CERS6: variants seen among roughly 807,000 people sequenced by gnomAD.
CERS6 encodes the protein ceramide synthase 6, also known as LAG1 homolog, ceramide synthase 6.
CERS6 carries 26 observed loss-of-function variants against 56.8 expected under a neutral mutation model. That is an observed-to-expected ratio of 0.46 (90% confidence interval 0.34 to 0.63). The LOEUF (loss-of-function observed/expected upper bound fraction) is 0.63, where lower values mean the gene tolerates loss of function less well. CERS6 is among the 30% of genes least tolerant of loss of function. The pLI, the probability that CERS6 is intolerant of heterozygous loss-of-function variation, is 0.01. For synonymous variants in CERS6, 164 were observed against 173.3 expected (o/e 0.95, Z 0.42); for missense variants, 415 against 467.5 (o/e 0.89, Z 1.04).
chr2:168,765,974 T>C (rs891424575), intron 9 of CERS6, among the ~76,000 whole-genome samples: 5 of 152,192 alleles, frequency 3.3e-5, no homozygotes, highest in African/African-American at 1.2e-4. Flanking sequence ...GACTTAATAA[T>C]ATATTATTTG....
At chr2:168,504,487 C>T (rs751273546) in intron 1 of CERS6, among the ~76,000 whole-genome samples, 8 of 152,104 alleles carry the variant, frequency 5.3e-5, no homozygotes, top group Non-Finnish European at 8.8e-5. Context: ...CAATCTGTAT[C>T]CCTGGAGAAG....
At chr2:168,658,212 G>C (rs1685539640) in intron 4 of CERS6, among the ~76,000 whole-genome samples, 1 of 152,138 alleles carries the variant, frequency 6.6e-6, no homozygotes, top group Admixed American at 6.5e-5. Context: ...CCTAGTCCTA[G>C]TTTATACTCA....
At chr2:168,460,492 T>G (rs1449143844) in intron 1 of CERS6, among the ~76,000 whole-genome samples, 2 of 152,168 alleles carry the variant, frequency 1.3e-5, no homozygotes. Flanking sequence ...CCCCTGCACC[T>G]GGTCAAGAGA....
At chr2:168,587,431 A>G (rs967128122) in intron 3 of CERS6, among the ~76,000 whole-genome samples, 9 of 152,158 alleles carry the variant, frequency 5.9e-5, no homozygotes, top group South Asian at 2.1e-4. Flanking sequence ...TGTTGGTTAC[A>G]CCAATTCAGG....
intron 1 of CERS6, among the ~76,000 whole-genome samples, chr2:168,527,844 C>A (rs1011067166): frequency 1.3e-5 from 2 of 152,136 alleles, no homozygotes; most frequent in Non-Finnish European, 2.9e-5. Flanking sequence ...CCTCAACCTC[C>A]CAAGTAGCTG....
At chr2:168,700,935 C>CT (rs1364269226) in intron 6 of CERS6, among the ~76,000 whole-genome samples, 6 of 152,212 alleles carry the variant, frequency 3.9e-5, no homozygotes, top group Non-Finnish European at 8.8e-5. Flanking sequence ...GATTGTGCTT[C>CT]TCAGCCAACC....
Position 168,464,410 on chromosome 2 carries a change from C to T in CERS6, c.170+7792C>T, listed in dbSNP as rs187972640. On this transcript the variant is annotated intron_variant, in intron 1 of 9. Coordinates refer to ENST00000305747, the MANE Select transcript of CERS6 (RefSeq NM_203463.3). ...TCTTGATCTCAAGTGACCTGCTCGC[C>T]TTGGCCTCCCAAAGTGCTGGGATTA... Among the ~76,000 whole-genome samples the T allele has an allele frequency of 1.6e-3, 238 of 152,248 alleles. 3 individuals carry two copies. Among genetic ancestry groups the T allele is most frequent in the African/African-American group, 5.3e-3 (221 of 41,542 alleles).
In CERS6 at chr2:168,661,297, C is replaced by A. The variant is rs1168629411; in HGVS notation, c.466-29737C>A. On this transcript the variant is annotated intron_variant, in intron 4 of 9. Coordinates refer to ENST00000305747, the MANE Select transcript of CERS6 (RefSeq NM_203463.3). ...TTAAATGGAATGAAGATTAGGAAAT[C>A]ATTTCAATTAGGCATGTAAGATTAC... is the stretch of plus-strand genomic sequence containing the variant. Among the ~76,000 whole-genome samples, 4 of 152,270 alleles carry A rather than the reference C, an allele frequency of 2.6e-5. No homozygotes were observed. In the East Asian group the frequency reaches 7.7e-4, roughly 29 times the overall value.
intron 3 of CERS6, among the ~76,000 whole-genome samples, chr2:168,623,483 C>T (rs1684520651): frequency 6.7e-6 from 1 of 148,644 alleles, no homozygotes; most frequent in South Asian, 2.2e-4. Context: ...AAAAAAAATG[C>T]CGTGTTACAA....
At chr2:168,621,483 T>A (rs1368952031) in intron 3 of CERS6, among the ~76,000 whole-genome samples, 1 of 152,222 alleles carries the variant, frequency 6.6e-6, no homozygotes, top group Non-Finnish European at 1.5e-5. Flanking sequence ...TCAGGGGAAT[T>A]CTAGAAGTAA....
chr2:168,760,912 C>A (rs191364551), intron 8 of CERS6, among the ~76,000 whole-genome samples: 2 of 152,122 alleles, frequency 1.3e-5, no homozygotes, highest in Non-Finnish European at 2.9e-5. Flanking sequence ...CCCGCCACCA[C>A]GCCCGGCTAA....
chr2:168,519,147 A>G (rs1694935160), intron 1 of CERS6, among the ~76,000 whole-genome samples: 1 of 152,222 alleles, frequency 6.6e-6, no homozygotes, highest in Non-Finnish European at 1.5e-5. Flanking sequence ...TATGTACATC[A>G]TAAATATGGG....
intron 1 of CERS6, among the ~76,000 whole-genome samples, chr2:168,544,035 A>G (rs115762185): frequency 2.0e-5 from 3 of 152,360 alleles, no homozygotes; most frequent in African/African-American, 4.8e-5. Flanking sequence ...TCAACCATCA[A>G]ATACTCACTG....
intron 4 of CERS6, among the ~76,000 whole-genome samples, chr2:168,686,544 T>C (rs1458675858): frequency 6.6e-6 from 1 of 152,132 alleles, no homozygotes; most frequent in African/African-American, 2.4e-5. Flanking sequence ...GTTACCCATC[T>C]GGACCTGTGG....
intron 8 of CERS6, 134 bp downstream of exon 8, chr2:168,718,112 G>A (rs1156760193): frequency 1.6e-6 from 1 of 615,898 alleles, no homozygotes; most frequent in Non-Finnish European, 2.8e-6. Context: ...ACCTCAAGAA[G>A]CTGCTTGATT....
At chr2:168,756,118 C>G (rs1007355628) in intron 8 of CERS6, among the ~76,000 whole-genome samples, 2 of 152,160 alleles carry the variant, frequency 1.3e-5, no homozygotes, top group Non-Finnish European at 2.9e-5. Flanking sequence ...GAGGAGCACA[C>G]AAATGTAGGG....
intron 3 of CERS6, among the ~76,000 whole-genome samples, chr2:168,567,919 A>G (rs1559001392): frequency 6.6e-6 from 1 of 152,258 alleles, no homozygotes; most frequent in Admixed American, 6.5e-5. Context: ...CTGAAGATTG[A>G]TGAACCGGAC....
At chr2:168,465,307 A>C (rs2105320112) in intron 1 of CERS6, among the ~76,000 whole-genome samples, 1 of 152,306 alleles carries the variant, frequency 6.6e-6, no homozygotes. Context: ...CTATCTGGTT[A>C]GGGCCCACTT....
At chr2:168,539,472 A>C (rs1178950895) in intron 1 of CERS6, among the ~76,000 whole-genome samples, 1 of 152,230 alleles carries the variant, frequency 6.6e-6, no homozygotes, top group Non-Finnish European at 1.5e-5. Context: ...TTTGGCATAT[A>C]GTATCTGTCA....
Sources: allele counts gnomAD v4.1 joint callset (sites outside exome capture counted in the v4.1 genomes callset), GRCh38; gene constraint gnomAD v4.1.1; transcripts MANE v1.5; gene names NCBI Gene and HGNC (gene_info 2026-07-23, HGNC 2026-07-21).